MYO16: variants seen among roughly 807,000 people sequenced by gnomAD.
MYO16 encodes myosin XVI, also known as unconventional myosin-XVI.
Under a neutral mutation model 205.3 loss-of-function variants are expected in MYO16, and 94 were observed. The ratio of observed to expected loss-of-function variants is 0.46; its 90% CI spans 0.39 to 0.54. The LOEUF (loss-of-function observed/expected upper bound fraction) is 0.54. Ranked by LOEUF, MYO16 falls within the 20% of genes least tolerant of loss-of-function variation. The pLI, the probability that MYO16 is intolerant of heterozygous loss-of-function variation, is 0.00. For missense variants in MYO16, 2,315 were observed against 2,387.5 expected (o/e 0.97, Z 0.63); for synonymous variants, 988 against 954.0 (o/e 1.04, Z -0.66).
chr13:109,206,455 G>A (rs1226825816), intron 34 of MYO16, among the ~76,000 whole-genome samples, 154 bp from the exon 35 acceptor site: 1 of 152,156 alleles, frequency 6.6e-6, no homozygotes, highest in East Asian at 1.9e-4. Flanking sequence ...GCCCAGTGCT[G>A]TTTCCAGAGG....
At chr13:109,116,468 G>A (rs751244597) in intron 28 of MYO16, among the ~76,000 whole-genome samples, 2 of 151,834 alleles carry the variant, frequency 1.3e-5, no homozygotes, top group African/African-American at 4.8e-5. Context: ...ATCCCAATCC[G>A]TGGCTCCCAG....
At position 108,612,344 on chromosome 13, in the gene MYO16, G is replaced by A. The variant is rs376971910; in HGVS notation, c.-39+16105G>A. ...CTAGAAAAAAAGTAATAATATCATT[G>A]AATCAAAGTTTTACCAAAGCTAATC... is the stretch of plus-strand genomic sequence containing the variant. On this transcript the variant is annotated intron_variant, in intron 1 of 24. Transcript: ENST00000251041. Among the ~76,000 whole-genome samples the A allele has an allele frequency of 7.2e-5, 11 of 152,126 alleles. No individual in the cohort carries two copies. In the East Asian group the frequency reaches 1.7e-3, roughly 24 times the overall value.
Position 109,020,252 on chromosome 13 carries a change from C to A in MYO16, c.2796+341C>A, listed in dbSNP as rs1188639429. Among the ~76,000 whole-genome samples, 6 of 152,082 alleles carry A rather than the reference C, an allele frequency of 3.9e-5. No individual in the cohort carries two copies. In the East Asian group the frequency reaches 9.7e-4, roughly 24 times the overall value. On this transcript the variant is annotated intron_variant, in intron 23 of 34. Transcript: ENST00000457511. ...AACATTGGACATCTGAGTTTTCTTG[C>A]CTTGAATATAGTTTTTAGTATTAAA...
the MYO16 span, among the ~76,000 whole-genome samples, chr13:108,535,969 A>G: frequency 6.6e-6 from 1 of 152,152 alleles, no homozygotes; most frequent in Non-Finnish European, 1.5e-5. Flanking sequence ...GGAACTCCAC[A>G]TGTTTAGCCT....
chr13:109,124,645 A>G (rs1450419606), intron 29 of MYO16, among the ~76,000 whole-genome samples: 4 of 152,226 alleles, frequency 2.6e-5, no homozygotes, highest in Admixed American at 2.6e-4. Flanking sequence ...AGTCTTAAAT[A>G]TAGTGTTAAT....
chr13:108,684,647 T>A (rs1341150275), intron 2 of MYO16, among the ~76,000 whole-genome samples: 1 of 152,150 alleles, frequency 6.6e-6, no homozygotes, highest in Non-Finnish European at 1.5e-5. Context: ...TGGGGGTTGG[T>A]CACCCAGCCA....
the MYO16 span, among the ~76,000 whole-genome samples, chr13:108,532,509 A>G: frequency 6.6e-6 from 1 of 151,654 alleles, no homozygotes; most frequent in Non-Finnish European, 1.5e-5. Flanking sequence ...TTAAAACAAA[A>G]GAGGCTGGGT....
the MYO16 span, among the ~76,000 whole-genome samples, chr13:108,554,632 G>T: frequency 0.01 from 1,561 of 152,088 alleles, 87 homozygotes; most frequent in Admixed American, 0.081. Flanking sequence ...GGCGGATCAC[G>T]ATGTCAGGAG....
chr13:108,498,127 A>G, the MYO16 span, among the ~76,000 whole-genome samples: 2 of 152,250 alleles, frequency 1.3e-5, no homozygotes, highest in African/African-American at 2.4e-5. Flanking sequence ...TGATACTTTA[A>G]GCCTGTGCTC....
intron 23 of MYO16, among the ~76,000 whole-genome samples, chr13:109,024,360 C>T (rs56391629): frequency 1.3e-5 from 2 of 151,768 alleles, no homozygotes; most frequent in Admixed American, 1.3e-4. Context: ...GATGTGCCTT[C>T]TGAGTCTGTT....
chr13:108,866,346 A>T (rs955430359), intron 12 of MYO16, 104 bp downstream of exon 12: 3 of 660,630 alleles, frequency 4.5e-6, no homozygotes, highest in African/African-American at 1.9e-5. Context: ...CTTCTAAAAA[A>T]CATTTTTAAA....
intron 4 of MYO16, among the ~76,000 whole-genome samples, chr13:108,781,704 T>G (rs998351713): frequency 1.8e-4 from 23 of 130,798 alleles, no homozygotes; most frequent in African/African-American, 4.5e-4. Context: ...CAATTTGAAT[T>G]GTATCTCACA....
chr13:108,871,727 A>T (rs1879073973), intron 12 of MYO16, among the ~76,000 whole-genome samples: 2 of 152,134 alleles, frequency 1.3e-5, no homozygotes, highest in Admixed American at 1.3e-4. Flanking sequence ...TGAGACACTT[A>T]GGGTGACTTT....
At chr13:108,595,845 C>T (rs934153892), upstream of MYO16, among the ~76,000 whole-genome samples, 2 of 147,382 alleles carry the variant, frequency 1.4e-5, no homozygotes, top group Non-Finnish European at 3.0e-5. Context: ...AAGGAGTGCA[C>T]GTGTCAGAGT....
intron 27 of MYO16, among the ~76,000 whole-genome samples, chr13:109,075,749 A>C (rs1888077595): frequency 6.6e-6 from 1 of 152,134 alleles, no homozygotes; most frequent in African/African-American, 2.4e-5. Context: ...ATGTTGCATA[A>C]ATAGTATCAT....
intron 23 of MYO16, among the ~76,000 whole-genome samples, chr13:109,038,726 C>CT (rs981303317): frequency 9.9e-5 from 15 of 151,058 alleles, no homozygotes; most frequent in Admixed American, 2.0e-4. Context: ...CCAGATTATA[C>CT]TTTTTTTTTA....
chr13:108,644,475 T>C (rs1255399964), intron 1 of MYO16, among the ~76,000 whole-genome samples: 1 of 152,168 alleles, frequency 6.6e-6, no homozygotes, highest in Non-Finnish European at 1.5e-5. Flanking sequence ...CCTCTTTAAC[T>C]CTGTTAACAC....
chr13:109,173,951 G>GGC (rs200190426), intron 33 of MYO16, among the ~76,000 whole-genome samples: 4 of 148,040 alleles, frequency 2.7e-5, no homozygotes, highest in African/African-American at 7.5e-5. Context: ...TTTTGATGGG[G>GGC]GGGGGTACTC....
At chr13:108,992,551 A>C in intron 21 of MYO16, 103 bp downstream of exon 21, 1 of 656,232 alleles carries the variant, frequency 1.5e-6, no homozygotes, top group Non-Finnish European at 2.5e-6. Context: ...CAAATATGGA[A>C]TTAAAATAAG....
Sources: gnomAD v4.1 joint callset for allele counts (sites outside exome capture counted in the v4.1 genomes callset) on GRCh38, gnomAD v4.1.1 for gene constraint, MANE v1.5 for transcripts, NCBI Gene and HGNC (gene_info 2026-07-23, HGNC 2026-07-21) for gene names.